TMBIM4: variants seen among roughly 807,000 people sequenced by gnomAD.
TMBIM4 encodes the protein protein lifeguard 4.
In TMBIM4, 28 loss-of-function variants were observed where a neutral mutation model predicts 27.7. The ratio of observed to expected loss-of-function variants is 1.01; its 90% confidence interval spans 0.75 to 1.38. TMBIM4 has a LOEUF of 1.38. Among genes scored for constraint, TMBIM4 ranks in the 40% most tolerant of loss-of-function variants. The probability of loss-of-function intolerance (pLI) is 0.00; values close to 1 mark genes in which losing one functional copy is unlikely to be tolerated. For missense variants in TMBIM4, 265 were observed against 277.5 expected (o/e 0.95, Z 0.32); for synonymous variants, 115 against 113.1 (o/e 1.02, Z -0.11).
At chr12:66,159,051 A>G (rs1390722723) in intron 1 of TMBIM4, among the ~76,000 whole-genome samples, 1 of 152,214 alleles carries the variant, frequency 6.6e-6, no homozygotes, top group East Asian at 1.9e-4. Context: ...TGCATATAGA[A>G]GACAAATAAT....
chr12:66,143,905 T>G (rs2051709920), intron 5 of TMBIM4, among the ~76,000 whole-genome samples: 1 of 152,124 alleles, frequency 6.6e-6, no homozygotes, highest in South Asian at 2.1e-4. Context: ...TAAAATGCAA[T>G]AAAGTGCTAC....
At chr12:66,158,034 C>A (rs143588569) in intron 1 of TMBIM4, among the ~76,000 whole-genome samples, 9 of 148,212 alleles carry the variant, frequency 6.1e-5, no homozygotes, top group African/African-American at 2.0e-4. Context: ...AGACCATCCT[C>A]GCTAACACGG....
chr12:66,140,022 G>A (rs1381337791), intron 5 of TMBIM4, among the ~76,000 whole-genome samples: 1 of 152,110 alleles, frequency 6.6e-6, no homozygotes, highest in East Asian at 1.9e-4. Flanking sequence ...TGCATCCTAG[G>A]AGAACAATGC....
Position 66,145,935 on chromosome 12 carries a change from TA to T in TMBIM4, c.369del (p.Ile124PhefsTer7). The T allele has an allele frequency of 6.4e-7, 1 of 1,569,000 alleles. No homozygotes were observed. The highest frequency in any genetic ancestry group is 1.1e-5 in the South Asian group (1 of 89,920). On this transcript the variant is annotated frameshift_variant, in exon 5 of 7. Transcript: ENST00000358230. LOFTEE classifies it high-confidence loss of function. ...AVVVTFYDVY[I>X]ILQAFILTTT... ...GTAGTCAGTATGAAAGCTTGCAGAA[TA>T]ATATATACATCATAGAAAGTAACTG... is the stretch of plus-strand genomic sequence containing the variant.
chr12:66,142,231 T>G (rs2051679935), intron 5 of TMBIM4, among the ~76,000 whole-genome samples: 1 of 151,786 alleles, frequency 6.6e-6, no homozygotes, highest in Non-Finnish European at 1.5e-5. Context: ...TCAGGATACA[T>G]CTGGCATACC....
chr12:66,160,773 C>T lies in TMBIM4; in HGVS notation c.98-7325G>A, dbSNP rs373589944. On this transcript the variant is annotated intron_variant, in intron 1 of 6. Transcript: ENST00000358230. ...GGGTTGCACAGCGGCCGAGCAGAGG[C>T]GCTCCTCACTTCCCAGACAGGGCGG... 1.8e-4 allele frequency among the ~76,000 whole-genome samples: 27 copies of T among 152,234 alleles called. No individual in the cohort carries two copies. The East Asian group carries it at 3.7e-3, about 21-fold the overall frequency.
intron 1 of TMBIM4, among the ~76,000 whole-genome samples, chr12:66,153,999 C>A (rs1311176849): frequency 6.6e-6 from 1 of 151,972 alleles, no homozygotes; most frequent in Non-Finnish European, 1.5e-5. Context: ...ATAGAAAATC[C>A]TTTCATATTT....
intron 1 of TMBIM4, chr12:66,161,071 C>A (rs1411508988): frequency 6.6e-6 from 1 of 152,144 alleles, no homozygotes; most frequent in Non-Finnish European, 1.5e-5. Flanking sequence ...CCTCACTTCC[C>A]AGACAGGGCG....
intron 1 of TMBIM4, among the ~76,000 whole-genome samples, chr12:66,165,245 T>C (rs940133404): frequency 2.0e-5 from 3 of 151,994 alleles, no homozygotes; most frequent in East Asian, 1.9e-4. Flanking sequence ...GGACCCCAAA[T>C]TGCCAAAACA....
At chr12:66,152,218 A>C (rs959043560) in intron 3 of TMBIM4, 53 bp downstream of exon 3, 1 of 1,150,802 alleles carries the variant, frequency 8.7e-7, no homozygotes, top group East Asian at 2.7e-5. Flanking sequence ...ATATGCATTT[A>C]TTTAAAACTC....
rs2136839601 is a variant in TMBIM4 at position 66,137,509 on chromosome 12, C to T, written c.*451G>A. 6.3e-6 allele frequency: 1 copy of T among 158,398 alleles called. No homozygotes were observed. The highest frequency in any genetic ancestry group is 1.8e-4 in the South Asian group (1 of 5,668). 9.8% of individuals were successfully genotyped at this position (158,398 alleles called of 1,614,324 possible). Reference sequence around the variant, plus strand: ...CTCCCAGGTTCAAGCGATTCTCTGGCCTCAGCCTCTTGACTAGCTGGGACT... The same window carrying T: ...CTCCCAGGTTCAAGCGATTCTCTGGTCTCAGCCTCTTGACTAGCTGGGACT... On this transcript the variant is annotated 3_prime_UTR_variant, in exon 7 of 7. Transcript: ENST00000358230.
chr12:66,160,488 T>A (rs796626741), intron 1 of TMBIM4, among the ~76,000 whole-genome samples: 17 of 152,258 alleles, frequency 1.1e-4, no homozygotes, highest in African/African-American at 3.9e-4. Flanking sequence ...TTAAATAAAT[T>A]ATGGTATATA....
At chr12:66,165,370 C>T (rs1480781686) in intron 1 of TMBIM4, among the ~76,000 whole-genome samples, 1 of 151,696 alleles carries the variant, frequency 6.6e-6, no homozygotes, top group Admixed American at 6.6e-5. Flanking sequence ...GACATACAGA[C>T]CAATGGAATA....
At chr12:66,138,638 A>G (rs1375008772) in intron 6 of TMBIM4, 86 bp downstream of exon 6, 3 of 957,712 alleles carry the variant, frequency 3.1e-6, no homozygotes, top group Non-Finnish European at 4.7e-6. Context: ...GTCCTATCAT[A>G]AGAGTATCTC....
intron 4 of TMBIM4, among the ~76,000 whole-genome samples, chr12:66,146,362 G>A (rs1294791493): frequency 6.6e-6 from 1 of 152,128 alleles, no homozygotes; most frequent in South Asian, 2.1e-4. Flanking sequence ...CTCCTGCCTG[G>A]CTGGGAATTC....
chr12:66,142,000 C>T (rs757172812), intron 5 of TMBIM4, among the ~76,000 whole-genome samples: 55 of 151,904 alleles, frequency 3.6e-4, no homozygotes, highest in African/African-American at 1.9e-4. Context: ...TCAAATCATC[C>T]GACAGCAGCA....
intron 1 of TMBIM4, among the ~76,000 whole-genome samples, chr12:66,168,197 G>A (rs1008240737): frequency 1.5e-4 from 22 of 151,370 alleles, no homozygotes; most frequent in Middle Eastern, 3.2e-3. Context: ...CTCCAGCCTC[G>A]GTGGCAAAGC....
rs1370043224 is a variant in TMBIM4, at chr12:66,136,552, G to A, written c.*1408C>T. The A allele has an allele frequency of 6.5e-6, 1 of 153,334 alleles. No homozygotes were observed. The highest frequency in any genetic ancestry group is 1.9e-4 in the East Asian group (1 of 5,202). The allele number at this position is 153,334 out of a possible 1,614,324, so 9.5% of individuals were successfully genotyped here. A position where few individuals can be genotyped will look rare whatever the true frequency, so the allele number is the denominator to read the frequency against. The stretch of plus-strand genomic sequence containing the variant: ...AGAATGTGACTGTATTTGGAGATAG[G>A]TTTTGAAAGAGATAATTAAGGAAAA... On this transcript the variant is annotated 3_prime_UTR_variant, in exon 7 of 7. Transcript: ENST00000358230.
At chr12:66,152,161 A>C (rs1361133032) in intron 3 of TMBIM4, 110 bp downstream of exon 3, 2 of 472,574 alleles carry the variant, frequency 4.2e-6, no homozygotes, top group Non-Finnish European at 6.9e-6. Flanking sequence ...AAAGTACTCT[A>C]AAAAAAACTC....
Sources: gnomAD v4.1 joint callset for allele counts (sites outside exome capture counted in the v4.1 genomes callset) on GRCh38, gnomAD v4.1.1 for gene constraint, MANE v1.5 for transcripts, NCBI Gene and HGNC (gene_info 2026-07-23, HGNC 2026-07-21) for gene names.